Variants in PRPSAP1 observed in about 807,000 individuals in gnomAD.
PRPSAP1 encodes phosphoribosyl pyrophosphate synthetase associated protein 1, also known as phosphoribosyl pyrophosphate synthase-associated protein 1.
PRPSAP1 carries 31 observed loss-of-function variants against 39.4 expected under a neutral mutation model. The ratio of observed to expected loss-of-function variants is 0.79; its 90% CI spans 0.59 to 1.06. The LOEUF (loss-of-function observed/expected upper bound fraction) is 1.06, where lower values mean the gene tolerates loss of function less well. Ranked by LOEUF, PRPSAP1 falls within the 50% of genes least tolerant of loss-of-function variation. PRPSAP1 has a pLI of 0.00. For missense variants in PRPSAP1, 430 were observed against 511.6 expected, an observed-to-expected ratio of 0.84 and a Z score of 1.54; for synonymous variants, 212 against 192.6, an observed-to-expected ratio of 1.10 and a Z score of -0.83.
chr17:76,317,714 G>A (rs1455329687), intron 7 of PRPSAP1, among the ~76,000 whole-genome samples: 2 of 152,086 alleles, frequency 1.3e-5, no homozygotes, highest in African/African-American at 4.8e-5. Flanking sequence ...GTGAAATTAA[G>A]AAGCCAGGAA....
At chr17:76,330,528 G>C in intron 5 of PRPSAP1, 23 bp downstream of exon 5, 1 of 1,483,862 alleles carries the variant, frequency 6.7e-7, no homozygotes, top group African/African-American at 1.4e-5. Flanking sequence ...AGGACAATGG[G>C]GTGTTTGCTG....
chr17:76,340,993 A>G (rs1037656700), intron 3 of PRPSAP1, among the ~76,000 whole-genome samples: 5 of 150,838 alleles, frequency 3.3e-5, no homozygotes, highest in Non-Finnish European at 7.4e-5. Context: ...TGGACTATCT[A>G]ACAAAATGGG....
At chr17:76,352,644 C>CA (rs55986677) in intron 1 of PRPSAP1, among the ~76,000 whole-genome samples, 8,552 of 52,914 alleles carry the variant, frequency 0.16, 830 homozygotes, top group East Asian at 0.3. Context: ...GACTCCGTCT[C>CA]AAAAAAAAAA....
chr17:76,326,539 T>C (rs1211197420), intron 7 of PRPSAP1, among the ~76,000 whole-genome samples: 2 of 152,188 alleles, frequency 1.3e-5, no homozygotes, highest in Non-Finnish European at 2.9e-5. Flanking sequence ...CTGAATCTAA[T>C]CCTGAGGACA....
intron 8 of PRPSAP1, 53 bp downstream of exon 8, chr17:76,313,768 C>G (rs1391176733): frequency 1.3e-6 from 2 of 1,586,142 alleles, no homozygotes; most frequent in Non-Finnish European, 1.7e-6. Context: ...GGACAACCTA[C>G]TGACCAAGAG....
chr17:76,315,784 G>A (rs896968685), intron 7 of PRPSAP1, among the ~76,000 whole-genome samples: 2 of 137,278 alleles, frequency 1.5e-5, no homozygotes, highest in Non-Finnish European at 3.0e-5. Flanking sequence ...GCACGATCTC[G>A]GCTCACTGCA....
intron 1 of PRPSAP1, among the ~76,000 whole-genome samples, chr17:76,349,608 A>C (rs2071545915): frequency 1.3e-5 from 2 of 151,882 alleles, no homozygotes; most frequent in East Asian, 3.9e-4. Context: ...TAAAAATACA[A>C]AAATTAGCTG....
chr17:76,329,965 G>T, intron 6 of PRPSAP1, 78 bp downstream of exon 6: 1 of 1,389,978 alleles, frequency 7.2e-7, no homozygotes, highest in Non-Finnish European at 1.0e-6. Flanking sequence ...ACGAGTGACA[G>T]CCTCTGGATT....
chr17:76,330,839 G>A (rs996062498), intron 4 of PRPSAP1, among the ~76,000 whole-genome samples, 173 bp from the exon 5 acceptor site: 12 of 152,178 alleles, frequency 7.9e-5, no homozygotes, highest in African/African-American at 2.2e-4. Flanking sequence ...CCTTAATGTA[G>A]AGAAGGCTAC....
Position 76,353,752 on chromosome 17 carries a change from C to G in PRPSAP1, c.-49G>C, listed in dbSNP as rs2071609923. 1 of 1,402,810 alleles carries G rather than the reference C, an allele frequency of 7.1e-7. No homozygotes were observed. The highest frequency in any genetic ancestry group is 2.9e-5 in the East Asian group (1 of 33,942). 86.9% of individuals were successfully genotyped at this position (1,402,810 alleles called of 1,614,324 possible). On this transcript the variant is annotated 5_prime_UTR_variant, in exon 1 of 10. Transcript: ENST00000446526. Reference sequence around the variant, plus strand: ...GACCGGCCCCGCGCGGGGCTGCACTCTGAGTGCTTCCGACTGCGAGACCCC... The same window carrying G: ...GACCGGCCCCGCGCGGGGCTGCACTGTGAGTGCTTCCGACTGCGAGACCCC...
At chr17:76,342,008 T>TG (rs2071444559) in intron 3 of PRPSAP1, among the ~76,000 whole-genome samples, 2 of 151,950 alleles carry the variant, frequency 1.3e-5, no homozygotes, top group Non-Finnish European at 2.9e-5. Context: ...AGGCAAACAA[T>TG]ACAAAACCAA....
At chr17:76,328,608 C>G in intron 7 of PRPSAP1, 109 bp downstream of exon 7, 2 of 1,415,086 alleles carry the variant, frequency 1.4e-6, no homozygotes, top group Non-Finnish European at 1.9e-6. Context: ...GACTCCATCT[C>G]AAAAACAAAA....
At chr17:76,343,942 C>A (rs78724530) in intron 3 of PRPSAP1, among the ~76,000 whole-genome samples, 7 of 152,026 alleles carry the variant, frequency 4.6e-5, no homozygotes, top group African/African-American at 1.7e-4. Context: ...AACATGCAAA[C>A]GAATGTATAA....
intron 6 of PRPSAP1, among the ~76,000 whole-genome samples, 178 bp downstream of exon 6, chr17:76,329,865 T>C (rs142702976): frequency 0.011 from 1,747 of 152,274 alleles, 35 homozygotes; most frequent in African/African-American, 0.039. Flanking sequence ...TCATGTGTGC[T>C]GTCTGGAGGC....
chr17:76,324,924 CA>C (rs2071236771), intron 7 of PRPSAP1, among the ~76,000 whole-genome samples: 1 of 150,032 alleles, frequency 6.7e-6, no homozygotes, highest in Admixed American at 6.7e-5. Context: ...AAAAATTAGC[CA>C]GGTGTGGTGG....
intron 3 of PRPSAP1, among the ~76,000 whole-genome samples, chr17:76,342,722 T>TA (rs1216047984): frequency 0.01 from 1,263 of 120,460 alleles, 17 homozygotes; most frequent in African/African-American, 0.03. Flanking sequence ...TGTCTCAAAT[T>TA]AAAAAAAAAA....
Position 76,348,047 on chromosome 17 carries a change from T to C in PRPSAP1, c.223+482A>G, listed in dbSNP as rs972324535. Reference sequence around the variant, plus strand: ...TAGAAATAACGTGGTGGAAGCCGAGTGCGGTGGCTCACGCCTGTAATCCCA... The same window carrying C: ...TAGAAATAACGTGGTGGAAGCCGAGCGCGGTGGCTCACGCCTGTAATCCCA... On this transcript the variant is annotated intron_variant, in intron 2 of 9. Transcript: ENST00000446526. Among the ~76,000 whole-genome samples, 5 of 151,924 alleles carry C rather than the reference T, an allele frequency of 3.3e-5. No individual in the cohort carries two copies. In the South Asian group the frequency reaches 8.3e-4, roughly 25 times the overall value.
intron 7 of PRPSAP1, among the ~76,000 whole-genome samples, chr17:76,322,247 T>C (rs908647112): frequency 6.6e-6 from 1 of 151,958 alleles, no homozygotes; most frequent in Admixed American, 6.6e-5. Flanking sequence ...AAATACTAAA[T>C]TAGCCAGGCG....
intron 3 of PRPSAP1, among the ~76,000 whole-genome samples, chr17:76,338,825 G>C (rs900761297): frequency 6.6e-6 from 1 of 152,000 alleles, no homozygotes; most frequent in Non-Finnish European, 1.5e-5. Context: ...CCTGAGGTCA[G>C]GGGTTCAAAA....
Sources: allele counts gnomAD v4.1 joint callset (sites outside exome capture counted in the v4.1 genomes callset), GRCh38; gene constraint gnomAD v4.1.1; transcripts MANE v1.5; gene names NCBI Gene and HGNC (gene_info 2026-07-23, HGNC 2026-07-21).